The following SNCAIP variants were observed in gnomAD, a reference collection of about 807,000 sequenced individuals.
The protein encoded by SNCAIP is synphilin-1.
In SNCAIP, 43 loss-of-function variants were observed where a neutral mutation model predicts 86.7. The ratio of observed to expected loss-of-function variants is 0.50; its 90% CI spans 0.39 to 0.64. The LOEUF (loss-of-function observed/expected upper bound fraction) is 0.64, where lower values mean the gene tolerates loss of function less well. Ranked by LOEUF, SNCAIP falls within the 30% of genes least tolerant of loss-of-function variation. SNCAIP has a pLI of 0.00. For missense variants in SNCAIP, 981 were observed against 1,103.1 expected, an observed-to-expected ratio of 0.89 and a Z score of 1.57; for synonymous variants, 417 against 427.2, an observed-to-expected ratio of 0.98 and a Z score of 0.29.
At chr5:122,442,753 T>C (rs1380480323) in intron 7 of SNCAIP, among the ~76,000 whole-genome samples, 1 of 152,200 alleles carries the variant, frequency 6.6e-6, no homozygotes, top group Non-Finnish European at 1.5e-5. Flanking sequence ...GAGATTTTAG[T>C]TATTTTTCTT....
At chr5:122,426,087 C>G (rs902286207) in intron 5 of SNCAIP, among the ~76,000 whole-genome samples, 1 of 152,162 alleles carries the variant, frequency 6.6e-6, no homozygotes, top group African/African-American at 2.4e-5. Context: ...GAGTTAAAAC[C>G]TAGAAACTGT....
intron 2 of SNCAIP, chr5:122,400,987 A>T (rs1302562512): frequency 6.5e-7 from 1 of 1,549,424 alleles, no homozygotes; most frequent in Non-Finnish European, 8.7e-7. Context: ...TCACCCAAGG[A>T]CAATAGGAGT....
In SNCAIP at chr5:122,377,468, C is replaced by A. The variant is rs1419464582; in HGVS notation, c.-46-13621C>A. ...TTCAACTCATTTTAAATCACACACA[C>A]AAGAAAGGGGTGAGAGGGAGACAGA... On this transcript the variant is annotated intron_variant, in intron 1 of 10. Transcript: ENST00000261368. Among the ~76,000 whole-genome samples, 3 of 150,756 alleles carry A rather than the reference C, an allele frequency of 2.0e-5. No individual in the cohort carries two copies. The East Asian group carries it at 5.9e-4, about 29-fold the overall frequency.
rs1769258260 is a variant in SNCAIP at position 122,391,148 on chromosome 5, A to T, written c.14A>T (p.Glu5Val). 1 of 1,610,680 alleles carries T rather than the reference A, an allele frequency of 6.2e-7. No homozygotes were observed. Among genetic ancestry groups the T allele is most frequent in the African/African-American group, 1.3e-5 (1 of 74,874 alleles). MEAP[E>V]YLDLDEIDFS... Reference sequence around the variant, plus strand: ...CAAGGAAGAATAATGGAAGCCCCTGAATACCTTGATTTGGATGAAATTGAC... The same window carrying T: ...CAAGGAAGAATAATGGAAGCCCCTGTATACCTTGATTTGGATGAAATTGAC... The change falls in exon 2 of 11, where the codon GAA becomes GTA. Residue 5 changes from glutamate (E) to valine (V), a missense_variant. Transcript: ENST00000261368.
intron 4 of SNCAIP, 109 bp downstream of exon 4, chr5:122,423,848 A>G (rs890453028): frequency 1.6e-5 from 16 of 1,005,036 alleles, no homozygotes; most frequent in African/African-American, 3.2e-5. Context: ...GTTTTTACTT[A>G]ATCTTTACTT....
intron 2 of SNCAIP, among the ~76,000 whole-genome samples, chr5:122,400,637 A>G (rs1771602737): frequency 6.6e-6 from 1 of 152,240 alleles, no homozygotes; most frequent in Non-Finnish European, 1.5e-5. Flanking sequence ...GGCTTCATGG[A>G]GAAGCAGAAC....
At position 122,450,961 on chromosome 5, in the gene SNCAIP, T is replaced by TAGAAAGCGTAGAGAGTATGGACAGCGC; in HGVS notation, c.2122_2148dup (p.Val708_Ser716dup). 1 of 1,614,080 alleles carries TAGAAAGCGTAGAGAGTATGGACAGCGC rather than the reference T, an allele frequency of 6.2e-7. No homozygotes were observed. The highest frequency in any genetic ancestry group is 8.5e-7 in the Non-Finnish European group (1 of 1,180,010). On this transcript the variant is annotated inframe_insertion, in exon 10 of 11. Transcript: ENST00000261368. ...GACCGACCAAGGCCGCAGCCCATTG[T>TAGAAAGCGTAGAGAGTATGGACAGCGC]AGAAAGCGTAGAGAGTATGGACAGC...
chr5:122,362,718 C>T lies in SNCAIP; in HGVS notation c.-46-28371C>T, dbSNP rs575945020. 2.9e-4 allele frequency among the ~76,000 whole-genome samples: 44 copies of T among 152,188 alleles called. 1 individual carries two copies. Among genetic ancestry groups the T allele is most frequent in the African/African-American group, 7.5e-4 (31 of 41,542 alleles). On this transcript the variant is annotated intron_variant, in intron 1 of 10. Coordinates refer to ENST00000261368, the MANE Select transcript of SNCAIP (RefSeq NM_005460.4). The stretch of plus-strand genomic sequence containing the variant: ...AGCCAAGAACTCAGTTGGAGTTTGA[C>T]GGAATGAAGCAGAGGGTCCAACTGA...
chr5:122,438,121 C>G (rs1779944633), intron 6 of SNCAIP, among the ~76,000 whole-genome samples: 1 of 152,168 alleles, frequency 6.6e-6, no homozygotes, highest in Non-Finnish European at 1.5e-5. Context: ...AGAAAGAAGT[C>G]TCTAGAATAT....
At position 122,334,728 on chromosome 5, in the gene SNCAIP, T is replaced by C. The variant is rs570204640; in HGVS notation, c.-47+22444T>C. ...AAGACCATTCTACAATTGAAAAATA[T>C]CTTATTAGAAAATGTGCTAATTTTT... is the stretch of plus-strand genomic sequence containing the variant. On this transcript the variant is annotated intron_variant, in intron 1 of 10. Coordinates refer to ENST00000261368, the MANE Select transcript of SNCAIP (RefSeq NM_005460.4). Among the ~76,000 whole-genome samples, 3 of 152,316 alleles carry C rather than the reference T, an allele frequency of 2.0e-5. No homozygotes were observed. In the East Asian group the frequency reaches 5.8e-4, roughly 29 times the overall value.
chr5:122,436,134 G>A (rs1022120516), intron 6 of SNCAIP, among the ~76,000 whole-genome samples: 2 of 152,008 alleles, frequency 1.3e-5, no homozygotes, highest in African/African-American at 4.8e-5. Context: ...GGTTCATACA[G>A]CAAACTGTCT....
intron 10 of SNCAIP, 182 bp downstream of exon 10, chr5:122,451,783 C>A (rs1225576485): frequency 3.5e-6 from 2 of 579,278 alleles, no homozygotes; most frequent in East Asian, 5.7e-5. Context: ...ATACATACCC[C>A]TTGCTCTTCT....
At chr5:122,416,388 GTCC>G (rs1220222528) in intron 3 of SNCAIP, among the ~76,000 whole-genome samples, 1 of 152,176 alleles carries the variant, frequency 6.6e-6, no homozygotes, top group East Asian at 1.9e-4. Flanking sequence ...CAAGCCTTCT[GTCC>G]TCCTTCCTCA....
intron 6 of SNCAIP, among the ~76,000 whole-genome samples, chr5:122,437,743 T>G (rs1158842282): frequency 6.6e-6 from 1 of 152,198 alleles, no homozygotes; most frequent in Non-Finnish European, 1.5e-5. Flanking sequence ...CAAGTTATTG[T>G]AACAATATAG....
At chr5:122,437,858 A>C (rs1779885576) in intron 6 of SNCAIP, among the ~76,000 whole-genome samples, 1 of 152,200 alleles carries the variant, frequency 6.6e-6, no homozygotes, top group Non-Finnish European at 1.5e-5. Context: ...GAAAAGTCCG[A>C]GGTCCTAGAC....
chr5:122,342,030 AACTAAC>A (rs1372184442), intron 1 of SNCAIP, among the ~76,000 whole-genome samples: 7 of 152,174 alleles, frequency 4.6e-5, no homozygotes, highest in African/African-American at 1.4e-4. Flanking sequence ...AAGAGGGTGG[AACTAAC>A]ACTTCTGTGA....
At chr5:122,429,519 A>G (rs1777976091) in intron 5 of SNCAIP, among the ~76,000 whole-genome samples, 1 of 151,638 alleles carries the variant, frequency 6.6e-6, no homozygotes, top group Non-Finnish European at 1.5e-5. Context: ...GTTGCCTCAC[A>G]TTTCTGTGTT....
intron 1 of SNCAIP, among the ~76,000 whole-genome samples, chr5:122,340,723 A>T (rs533301844): frequency 3.3e-5 from 5 of 152,242 alleles, no homozygotes; most frequent in African/African-American, 9.6e-5. Context: ...CATTTCAATG[A>T]TGCTTTTGTT....
intron 10 of SNCAIP, among the ~76,000 whole-genome samples, chr5:122,457,834 G>A (rs1785147237): frequency 6.6e-6 from 1 of 152,186 alleles, no homozygotes; most frequent in South Asian, 2.1e-4. Context: ...CCAGGTTTTG[G>A]GGTTTCTATT....
Sources: allele counts gnomAD v4.1 joint callset (sites outside exome capture counted in the v4.1 genomes callset), GRCh38; gene constraint gnomAD v4.1.1; transcripts MANE v1.5; gene names NCBI Gene and HGNC (gene_info 2026-07-23, HGNC 2026-07-21).